The following AFG2A variants were observed in gnomAD, a reference collection of about 807,000 sequenced individuals.
AFG2A encodes the protein ATPase family gene 2 protein homolog A.
At chr4:122,998,532 A>G in the AFG2A span, among the ~76,000 whole-genome samples, 24 of 151,824 alleles carry the variant, frequency 1.6e-4, no homozygotes, top group South Asian at 6.3e-4. Flanking sequence ...TCATTATTCA[A>G]TTCCCACCTA....
the AFG2A span, among the ~76,000 whole-genome samples, chr4:122,973,095 T>A: frequency 6.6e-6 from 1 of 152,186 alleles, no homozygotes; most frequent in African/African-American, 2.4e-5. Context: ...TTATCAGGCA[T>A]GTATTAATTT....
At chr4:122,938,694 G>A in the AFG2A span, among the ~76,000 whole-genome samples, 1,385 of 152,048 alleles carry the variant, frequency 9.1e-3, 9 homozygotes, top group Non-Finnish European at 0.014. Flanking sequence ...AGGTTCAAGC[G>A]ATTCTCCTGC....
At chr4:123,202,842 C>T in the AFG2A span, among the ~76,000 whole-genome samples, 222 of 152,210 alleles carry the variant, frequency 1.5e-3, no homozygotes, top group Non-Finnish European at 2.6e-3. Flanking sequence ...AGTCTGTGTC[C>T]ATCTCCACAG....
At chr4:123,180,100 A>G in the AFG2A span, among the ~76,000 whole-genome samples, 1,932 of 152,138 alleles carry the variant, frequency 0.013, 17 homozygotes, top group African/African-American at 0.019. Flanking sequence ...AGTGCCTGTA[A>G]TCCCAGCTAC....
At chr4:123,184,532 C>CTTTTTTTTT in the AFG2A span, among the ~76,000 whole-genome samples, 2,260 of 89,148 alleles carry the variant, frequency 0.025, 60 homozygotes, top group Non-Finnish European at 0.036. Flanking sequence ...ATGATCATTT[C>CTTTTTTTTT]TTTTTTTTTT....
the AFG2A span, among the ~76,000 whole-genome samples, chr4:123,105,635 TAGA>T: frequency 6.6e-6 from 1 of 152,132 alleles, no homozygotes; most frequent in Non-Finnish European, 1.5e-5. Flanking sequence ...AACAGGAGTC[TAGA>T]AGAAGTTGAT....
At chr4:123,095,041 A>AT in the AFG2A span, among the ~76,000 whole-genome samples, 2 of 30,016 alleles carry the variant, frequency 6.7e-5, no homozygotes, top group Non-Finnish European at 2.1e-4. Flanking sequence ...AAAAAAAAAA[A>AT]AATATATATA....
At chr4:123,238,128 G>A in the AFG2A span, among the ~76,000 whole-genome samples, 1 of 152,202 alleles carries the variant, frequency 6.6e-6, no homozygotes, top group African/African-American at 2.4e-5. Context: ...AGGGGGAGGG[G>A]CATCCGCCAT....
chr4:122,976,244 CTT>C, the AFG2A span, among the ~76,000 whole-genome samples: 1 of 152,166 alleles, frequency 6.6e-6, no homozygotes, highest in Non-Finnish European at 1.5e-5. Flanking sequence ...ATTAAACACT[CTT>C]AACACAAAGA....
chr4:123,067,814 G>T, the AFG2A span, among the ~76,000 whole-genome samples: 1 of 152,108 alleles, frequency 6.6e-6, no homozygotes, highest in Non-Finnish European at 1.5e-5. Context: ...AAACAGTTCA[G>T]TTAGTAAATG....
the AFG2A span, among the ~76,000 whole-genome samples, chr4:123,109,054 A>C: frequency 6.6e-6 from 1 of 152,170 alleles, no homozygotes; most frequent in African/African-American, 2.4e-5. Flanking sequence ...TGATTGCATT[A>C]TATTACTAAG....
At chr4:123,105,725 A>G in the AFG2A span, among the ~76,000 whole-genome samples, 1 of 152,182 alleles carries the variant, frequency 6.6e-6, no homozygotes, top group African/African-American at 2.4e-5. Context: ...AGATACAGCA[A>G]AAGAGCTAGA....
chr4:123,179,401 T>C, the AFG2A span, among the ~76,000 whole-genome samples: 119,695 of 152,138 alleles, frequency 0.79, 47,810 homozygotes, highest in Non-Finnish European at 0.85. Flanking sequence ...AGTGCAGTAT[T>C]ATGATCTTGG....
chr4:123,184,485 A>G, the AFG2A span, among the ~76,000 whole-genome samples: 2 of 148,440 alleles, frequency 1.3e-5, no homozygotes, highest in South Asian at 4.2e-4. Flanking sequence ...TCTGCCAGTT[A>G]TATATATAAA....
the AFG2A span, among the ~76,000 whole-genome samples, chr4:123,140,492 A>T: frequency 1.3e-5 from 1 of 79,912 alleles, no homozygotes; most frequent in African/African-American, 4.2e-5. Context: ...CCCTTAGAGG[A>T]TAAGGTTTTT....
chr4:123,042,381 G>A, the AFG2A span, among the ~76,000 whole-genome samples: 273 of 152,106 alleles, frequency 1.8e-3, 1 homozygote, highest in Non-Finnish European at 3.0e-3. Context: ...TTCTTATAAG[G>A]ACACTAATCT....
At chr4:123,057,118 G>T in the AFG2A span, 464 of 1,332,446 alleles carry the variant, frequency 3.5e-4, no homozygotes, top group Middle Eastern at 7.3e-4. Flanking sequence ...TACCTAATAG[G>T]TTTGGTTCTA....
chr4:122,976,990 C>A, the AFG2A span, among the ~76,000 whole-genome samples: 1 of 152,128 alleles, frequency 6.6e-6, no homozygotes, highest in African/African-American at 2.4e-5. Context: ...AAACTAAGTG[C>A]TTGGATTTTT....
chr4:123,319,132 A>T, the AFG2A span: 1 of 152,202 alleles, frequency 6.6e-6, no homozygotes, highest in African/African-American at 2.4e-5. Context: ...CTTATTTCTA[A>T]TGTGTAAAAC....
Sources: gnomAD v4.1 joint callset for allele counts (sites outside exome capture counted in the v4.1 genomes callset) on GRCh38, gnomAD v4.1.1 for gene constraint, MANE v1.5 for transcripts, NCBI Gene and HGNC (gene_info 2026-07-23, HGNC 2026-07-21) for gene names.